Variants in NUP160 observed in about 807,000 individuals in gnomAD.
NUP160 encodes nuclear pore complex protein Nup160.
Under a neutral mutation model 196.9 loss-of-function variants are expected in NUP160, and 94 were observed. The observed-to-expected ratio is 0.48, with a 90% CI of 0.40 to 0.57. The LOEUF is 0.57. NUP160 is among the 20% of genes least tolerant of loss of function. The pLI is 0.00. For synonymous variants in NUP160, 605 were observed against 619.7 expected (o/e 0.98, Z 0.35); for missense variants, 1,638 against 1,748.3 (o/e 0.94, Z 1.13).
chr11:47,834,685 C>G (rs1232067484), intron 7 of NUP160, among the ~76,000 whole-genome samples: 1 of 152,088 alleles, frequency 6.6e-6, no homozygotes, highest in Admixed American at 6.6e-5. Context: ...TCGGTGCAGG[C>G]ATGTCCCAGC....
chr11:47,804,621 A>T lies in NUP160; in HGVS notation c.2607-3T>A. 6.6e-7 allele frequency: 1 copy of T among 1,517,928 alleles called. No individual in the cohort carries two copies. The highest frequency in any genetic ancestry group is 2.6e-5 in the East Asian group (1 of 38,360). The allele number at this position is 1,517,928 out of a possible 1,614,324, so 94.0% of individuals were successfully genotyped here. ...GACAACCAGGATTGCTAGGCCATCT[A>T]GTCATTGGTTAAGGATATTTCTTAA... is the stretch of plus-strand genomic sequence containing the variant. On this transcript the variant is annotated splice_polypyrimidine_tract_variant and splice_region_variant and intron_variant, in intron 20 of 35. Transcript: ENST00000378460.
intron 19 of NUP160, among the ~76,000 whole-genome samples, chr11:47,806,790 T>TACACAC (rs57141346): frequency 1.3e-3 from 147 of 111,870 alleles, no homozygotes; most frequent in African/African-American, 4.7e-3. Flanking sequence ...AAAGCAGCTA[T>TACACAC]ACACACACAC....
At chr11:47,842,767 A>G (rs1032615933) in intron 2 of NUP160, among the ~76,000 whole-genome samples, 3 of 151,942 alleles carry the variant, frequency 2.0e-5, no homozygotes, top group Admixed American at 2.0e-4. Context: ...AGACAGGAGG[A>G]TTTCTTCAGC....
intron 27 of NUP160, chr11:47,796,410 T>C (rs2097670937): frequency 5.4e-6 from 2 of 372,578 alleles, no homozygotes; most frequent in Non-Finnish European, 9.7e-6. Flanking sequence ...CCTAATTAAA[T>C]AACTGATGAC....
exon 35 of NUP160, chr11:47,780,383 T>C: frequency 5.0e-6 from 8 of 1,613,826 alleles, no homozygotes; most frequent in Non-Finnish European, 6.8e-6. Flanking sequence ...TCCCAGAGCT[T>C]GGAGAAGCTG....
intron 17 of NUP160, among the ~76,000 whole-genome samples, chr11:47,810,679 TG>T (rs1226460892): frequency 6.6e-6 from 1 of 152,098 alleles, no homozygotes; most frequent in East Asian, 1.9e-4. Context: ...CCTGAATGGC[TG>T]GGATTACAGG....
rs777830119 is a variant in NUP160 at position 47,785,098 on chromosome 11, A to ATTTTTTTTTTTTTTT, written c.3849-36_3849-35insAAAAAAAAAAAAAAA. On this transcript the variant is annotated intron_variant, in intron 32 of 35. Coordinates refer to ENST00000378460, the Ensembl canonical transcript of NUP160. ...AACAAAAATGACTAATGAGTTTCAG[A>ATTTTTTTTTTTTTTT]TTCTTAATAGCTATTTAGAGTACCA... is the stretch of plus-strand genomic sequence containing the variant. 1.0e-4 allele frequency: 116 copies of ATTTTTTTTTTTTTTT among 1,137,160 alleles called. 1 individual carries two copies. Among genetic ancestry groups the ATTTTTTTTTTTTTTT allele is most frequent in the South Asian group, 3.9e-4 (21 of 53,462 alleles). The allele number at this position is 1,137,160 out of a possible 1,614,324, so 70.4% of individuals were successfully genotyped here.
Position 47,786,999 on chromosome 11 carries a change from AG to A in NUP160, c.3747-446del, listed in dbSNP as rs2097664880. On this transcript the variant is annotated intron_variant, in intron 31 of 35. Transcript: ENST00000378460. ...GAGACGGGGTTTCACTGTGTTAGCCAGGATGGTCTTGATCTCCTGACCTCAT... is the reference window on the plus strand; with the variant it reads ...GAGACGGGGTTTCACTGTGTTAGCCAGATGGTCTTGATCTCCTGACCTCAT... 3 of 162,408 alleles carry A rather than the reference AG, an allele frequency of 1.8e-5. No homozygotes were observed. In the East Asian group the frequency reaches 5.4e-4, roughly 29 times the overall value. The allele number at this position is 162,408 out of a possible 1,614,324, so 10.1% of individuals were successfully genotyped here.
intron 5 of NUP160, 76 bp from the exon 6 acceptor site, chr11:47,837,077 A>T: frequency 1.3e-6 from 1 of 789,300 alleles, no homozygotes; most frequent in Non-Finnish European, 2.1e-6. Flanking sequence ...TTCAAGAAAT[A>T]TAATAAAATT....
At chr11:47,796,504 G>T (rs1434093123) in intron 27 of NUP160, 2 of 266,914 alleles carry the variant, frequency 7.5e-6, no homozygotes, top group Non-Finnish European at 1.4e-5. Context: ...AATAGATATT[G>T]AGAGAGAGAG....
At chr11:47,827,830 A>G (rs968384721) in intron 7 of NUP160, among the ~76,000 whole-genome samples, 1 of 152,176 alleles carries the variant, frequency 6.6e-6, no homozygotes, top group Non-Finnish European at 1.5e-5. Context: ...GAAAGAAGGA[A>G]AAGAAAAAAA....
exon 20 of NUP160, chr11:47,806,174 G>T (rs756589181): frequency 6.2e-7 from 1 of 1,613,928 alleles, no homozygotes; most frequent in East Asian, 2.2e-5. Context: ...TAAATAACTG[G>T]TAATTGCAGT....
At chr11:47,796,203 A>G in intron 27 of NUP160, 1 of 465,592 alleles carries the variant, frequency 2.1e-6, no homozygotes, top group South Asian at 3.2e-5. Flanking sequence ...AGACACCAGG[A>G]AGGTGAGATC....
At chr11:47,834,919 G>A (rs1456137684) in intron 7 of NUP160, among the ~76,000 whole-genome samples, 1 of 152,102 alleles carries the variant, frequency 6.6e-6, no homozygotes, top group Non-Finnish European at 1.5e-5. Context: ...ATTGCATGGG[G>A]GCAGTCTGGT....
At chr11:47,830,866 TA>T (rs572384948) in intron 7 of NUP160, among the ~76,000 whole-genome samples, 155 of 145,442 alleles carry the variant, frequency 1.1e-3, no homozygotes, top group Non-Finnish European at 1.2e-3. Flanking sequence ...AAACAAAAGT[TA>T]AAAAAAAAAA....
At chr11:47,806,425 A>AG in intron 19 of NUP160, 113 bp from the exon 20 acceptor site, 1 of 772,460 alleles carries the variant, frequency 1.3e-6, no homozygotes, top group Non-Finnish European at 2.1e-6. Flanking sequence ...ACTTCAAAAC[A>AG]GAAAATGTAT....
intron 21 of NUP160, among the ~76,000 whole-genome samples, chr11:47,803,781 A>G (rs10838769): frequency 0.58 from 88,205 of 151,958 alleles, 25,885 homozygotes; most frequent in Admixed American, 0.64. Context: ...CAATTTTCCA[A>G]TTTTTGGTAT....
rs562415200 is a variant in NUP160 at position 47,780,290 on chromosome 11, T to A, written c.4221+53A>T. On this transcript the variant is annotated intron_variant, in intron 35 of 35. Coordinates refer to ENST00000378460, the Ensembl canonical transcript of NUP160. The stretch of plus-strand genomic sequence containing the variant: ...GAACTGAAGATCAAGCTGTAAGGTG[T>A]AACTGCTAGTGCAGGGGCTTACACA... The A allele has an allele frequency of 2.6e-5, 31 of 1,205,324 alleles. No homozygotes were observed. In the East Asian group the frequency reaches 6.6e-4, roughly 25 times the overall value. The allele number at this position is 1,205,324 out of a possible 1,614,324, so 74.7% of individuals were successfully genotyped here.
chr11:47,827,096 G>A (rs1421268292), intron 7 of NUP160: 1 of 456,194 alleles, frequency 2.2e-6, no homozygotes, highest in East Asian at 7.0e-5. Flanking sequence ...GCTGGGTGCT[G>A]TGGTTCACAC....
Sources: gnomAD v4.1 joint callset for allele counts (sites outside exome capture counted in the v4.1 genomes callset) on GRCh38, gnomAD v4.1.1 for gene constraint, MANE v1.5 for transcripts, NCBI Gene and HGNC (gene_info 2026-07-23, HGNC 2026-07-21) for gene names.